The following ANKIB1 variants were observed in gnomAD, a reference collection of about 807,000 sequenced individuals.
ANKIB1 encodes ankyrin repeat and IBR domain containing 1.
ANKIB1 carries 43 observed loss-of-function variants against 122.1 expected under a neutral mutation model. The observed-to-expected ratio is 0.35, with a 90% CI of 0.28 to 0.45. ANKIB1 has a LOEUF of 0.45. Ranked by LOEUF, ANKIB1 falls within the 20% of genes least tolerant of loss-of-function variation. The pLI is 1.00. For missense variants in ANKIB1, 992 were observed against 1,329.5 expected, an observed-to-expected ratio of 0.75 and a Z score of 3.95; for synonymous variants, 390 against 442.0, an observed-to-expected ratio of 0.88 and a Z score of 1.48.
rs759370236 is a variant in ANKIB1 at position 92,391,159 on chromosome 7, A to G, written c.2053-7A>G. On this transcript the variant is annotated splice_region_variant and splice_polypyrimidine_tract_variant and intron_variant, in intron 15 of 19. Coordinates refer to ENST00000265742, the MANE Select transcript of ANKIB1 (RefSeq NM_019004.2). ...TGTGATTTTTTTTTTTTCTCTGCTTACTATAGACAGACCTAGAAATGGTCA... is the reference window on the plus strand; with the variant it reads ...TGTGATTTTTTTTTTTTCTCTGCTTGCTATAGACAGACCTAGAAATGGTCA... 5 of 1,591,138 alleles carry G rather than the reference A, an allele frequency of 3.1e-6. No homozygotes were observed. Among genetic ancestry groups the G allele is most frequent in the Non-Finnish European group, 4.3e-6 (5 of 1,169,208 alleles).
chr7:92,367,029 GATAATGATCCTGATACT>G (rs1198514401), intron 10 of ANKIB1, among the ~76,000 whole-genome samples: 1 of 152,078 alleles, frequency 6.6e-6, no homozygotes, highest in Non-Finnish European at 1.5e-5. Flanking sequence ...CCTTCCTCAT[GATAATGATCCTGATACT>G]AAGAGGAGGA....
intron 1 of ANKIB1, among the ~76,000 whole-genome samples, chr7:92,282,198 G>A (rs1342381589): frequency 2.0e-5 from 3 of 151,942 alleles, no homozygotes; most frequent in African/African-American, 7.3e-5. Flanking sequence ...CTGTCACCCA[G>A]ACTGGAGTTG....
intron 1 of ANKIB1, among the ~76,000 whole-genome samples, chr7:92,251,642 T>G (rs1426901449): frequency 1.3e-5 from 2 of 152,202 alleles, no homozygotes; most frequent in African/African-American, 2.4e-5. Flanking sequence ...TCTGTCTCCA[T>G]ACATACATAC....
intron 1 of ANKIB1, among the ~76,000 whole-genome samples, chr7:92,248,580 G>C (rs1801249376): frequency 6.6e-6 from 1 of 152,168 alleles, no homozygotes; most frequent in Non-Finnish European, 1.5e-5. Flanking sequence ...AGATTCCTCA[G>C]TGCTTTGGGT....
In ANKIB1 at chr7:92,319,495, G is replaced by A. The variant is rs779731136; in HGVS notation, c.652G>A (p.Ala218Thr). The change falls in exon 4 of 20, where the codon GCA becomes ACA. Residue 218 changes from alanine to threonine, a missense_variant. By Grantham distance (58) the Ala-to-Thr change is moderately conservative. Coordinates refer to ENST00000265742, the MANE Select transcript of ANKIB1 (RefSeq NM_019004.2). ...TGAAGAAATAGAAGCTGAATATGCT[G>A]CATTAGACAAACGAGAGGTCAGTTT... ...EAEEIEAEYA[A>T]LDKREPYEGL... The A allele has an allele frequency of 5.6e-6, 9 of 1,605,576 alleles. No individual in the cohort carries two copies. In the East Asian group the frequency reaches 1.6e-4, roughly 28 times the overall value.
intron 4 of ANKIB1, chr7:92,325,791 G>A: frequency 4.5e-6 from 1 of 220,146 alleles, no homozygotes; most frequent in East Asian, 1.0e-4. Context: ...TAATATCAAG[G>A]TAGTGCAGTT....
In ANKIB1 at chr7:92,264,829, G is replaced by C. The variant is rs113502259; in HGVS notation, c.-91+18310G>C. On this transcript the variant is annotated intron_variant, in intron 1 of 19. Coordinates refer to ENST00000265742, the MANE Select transcript of ANKIB1 (RefSeq NM_019004.2). ...CCCTTAGCAAACTTATAACCTAGTA[G>C]AATAGACAAACACTAAACATATAAA... Among the ~76,000 whole-genome samples, 5 of 152,176 alleles carry C rather than the reference G, an allele frequency of 3.3e-5. 1 individual carries two copies. Among genetic ancestry groups the C allele is most frequent in the African/African-American group, 1.2e-4 (5 of 41,538 alleles).
intron 1 of ANKIB1, among the ~76,000 whole-genome samples, chr7:92,287,431 C>T (rs547171060): frequency 6.6e-6 from 1 of 152,210 alleles, no homozygotes; most frequent in African/African-American, 2.4e-5. Flanking sequence ...GTGATATTTT[C>T]TCATATTATG....
chr7:92,271,934 T>A (rs1402377820), intron 1 of ANKIB1, among the ~76,000 whole-genome samples: 1 of 152,178 alleles, frequency 6.6e-6, no homozygotes, highest in Non-Finnish European at 1.5e-5. Flanking sequence ...ATGAAGGAGC[T>A]GGATTTCCAT....
intron 9 of ANKIB1, among the ~76,000 whole-genome samples, chr7:92,356,298 A>G (rs976378519): frequency 1.3e-5 from 2 of 152,188 alleles, no homozygotes; most frequent in Non-Finnish European, 2.9e-5. Context: ...TTTTCTTACA[A>G]AACCAGTTTT....
At chr7:92,305,604 G>A (rs774918319) in intron 2 of ANKIB1, among the ~76,000 whole-genome samples, 2 of 152,172 alleles carry the variant, frequency 1.3e-5, no homozygotes, top group African/African-American at 4.8e-5. Flanking sequence ...CTGAACTGGT[G>A]GGGGAGCCTA....
chr7:92,370,373 T>C (rs1387758879), intron 10 of ANKIB1, among the ~76,000 whole-genome samples: 1 of 151,520 alleles, frequency 6.6e-6, no homozygotes, highest in East Asian at 1.9e-4. Context: ...CCAGGCGTGG[T>C]GGCAGGCGCC....
chr7:92,266,596 CAT>C (rs527580797), intron 1 of ANKIB1, among the ~76,000 whole-genome samples: 103 of 152,218 alleles, frequency 6.8e-4, no homozygotes, highest in African/African-American at 2.4e-3. Context: ...GAAAACAGCT[CAT>C]AGGAAGTGCT....
chr7:92,346,322 G>A (rs1373559254), intron 7 of ANKIB1, among the ~76,000 whole-genome samples: 1 of 151,984 alleles, frequency 6.6e-6, no homozygotes, highest in Non-Finnish European at 1.5e-5. Context: ...GTAGAGATGG[G>A]GTTTTGCCAT....
intron 14 of ANKIB1, among the ~76,000 whole-genome samples, chr7:92,388,854 A>G (rs578119300): frequency 6.6e-6 from 1 of 152,350 alleles, no homozygotes; most frequent in South Asian, 2.1e-4. Context: ...ATATGTCAAT[A>G]GCAGTATAGC....
chr7:92,398,816 T>C lies in ANKIB1; in HGVS notation c.3137T>C (p.Ile1046Thr), dbSNP rs1319412878. ...GAAGAAAATCCTTTGGAAGAAAATA[T>C]TCTGGCGGGGGAAGCAGCATCTCAA... ...QIEENPLEEN[I>T]LAGEAASQAG... is the part of the protein sequence containing the mutation. The change falls in exon 20 of 20, where the codon ATT (isoleucine) becomes ACT (threonine). Residue 1046 changes from isoleucine to threonine, a missense_variant. Transcript: ENST00000265742. 1 of 1,606,810 alleles carries C rather than the reference T, an allele frequency of 6.2e-7. No individual in the cohort carries two copies. Among genetic ancestry groups the C allele is most frequent in the East Asian group, 2.2e-5 (1 of 44,572 alleles).
At chr7:92,353,846 CAG>C (rs1173065283) in intron 9 of ANKIB1, among the ~76,000 whole-genome samples, 4 of 152,130 alleles carry the variant, frequency 2.6e-5, no homozygotes, top group Non-Finnish European at 5.9e-5. Flanking sequence ...GCAGCTGAGA[CAG>C]AGACTTCATG....
At chr7:92,341,201 T>C (rs554791919) in intron 5 of ANKIB1, among the ~76,000 whole-genome samples, 1 of 151,974 alleles carries the variant, frequency 6.6e-6, no homozygotes, top group South Asian at 2.1e-4. Flanking sequence ...TCCCAGCTAT[T>C]TGGGAGGCTG....
chr7:92,344,429 T>G (rs1417526779), intron 6 of ANKIB1, among the ~76,000 whole-genome samples: 4 of 151,990 alleles, frequency 2.6e-5, no homozygotes, highest in African/African-American at 7.2e-5. Context: ...GGTCTTGAAC[T>G]CCTGACCTCA....
Sources: gnomAD v4.1 joint callset for allele counts (sites outside exome capture counted in the v4.1 genomes callset) on GRCh38, gnomAD v4.1.1 for gene constraint, MANE v1.5 for transcripts, NCBI Gene and HGNC (gene_info 2026-07-23, HGNC 2026-07-21) for gene names.